The following PODXL variants were observed in gnomAD, a reference collection of about 807,000 sequenced individuals.
The protein encoded by PODXL is podocalyxin like.
In PODXL, 20 loss-of-function variants were observed where a neutral mutation model predicts 48.9. The observed-to-expected ratio is 0.41, with a 90% confidence interval of 0.29 to 0.59. The LOEUF is 0.59. Ranked by LOEUF, PODXL falls within the 20% of genes least tolerant of loss-of-function variation. The pLI, the probability that PODXL is intolerant of heterozygous loss-of-function variation, is 0.31. For synonymous variants in PODXL, 295 were observed against 287.4 expected (o/e 1.03, Z -0.27); for missense variants, 606 against 675.1 (o/e 0.90, Z 1.13).
chr7:131,523,955 C>T (rs139819008), intron 1 of PODXL, among the ~76,000 whole-genome samples: 273 of 151,738 alleles, frequency 1.8e-3, no homozygotes, highest in South Asian at 5.4e-3. Flanking sequence ...CACGCCACCA[C>T]GCCCAGTTAA....
At chr7:131,517,818 A>T (rs886570954) in intron 1 of PODXL, among the ~76,000 whole-genome samples, 1 of 151,754 alleles carries the variant, frequency 6.6e-6, no homozygotes, top group African/African-American at 2.4e-5. Context: ...CACTCACTGC[A>T]ACCTCCGCTT....
At chr7:131,546,868 G>C (rs2116863891) in intron 1 of PODXL, among the ~76,000 whole-genome samples, 1 of 152,170 alleles carries the variant, frequency 6.6e-6, no homozygotes, top group East Asian at 1.9e-4. Context: ...TCTTAGCTAA[G>C]CCCACCCTGG....
chr7:131,509,712 T>C (rs1056609249), intron 3 of PODXL, 127 bp from the exon 4 acceptor site: 1 of 584,296 alleles, frequency 1.7e-6, no homozygotes, highest in East Asian at 2.9e-5. Flanking sequence ...ACGGAAGAAG[T>C]GGACTCCTAT....
At chr7:131,508,155 G>A (rs936260464) in intron 5 of PODXL, among the ~76,000 whole-genome samples, 1 of 152,168 alleles carries the variant, frequency 6.6e-6, no homozygotes, top group Admixed American at 6.5e-5. Flanking sequence ...CATGGAGACC[G>A]GTGGCCTGAA....
intron 1 of PODXL, among the ~76,000 whole-genome samples, chr7:131,538,867 G>C (rs1462687348): frequency 6.6e-6 from 1 of 152,206 alleles, no homozygotes; most frequent in Non-Finnish European, 1.5e-5. Flanking sequence ...AAGGGGATGG[G>C]TTCTTCCTGA....
rs551999089 is a variant in PODXL, at chr7:131,532,860, C to T, written c.101-21427G>A. Among the ~76,000 whole-genome samples the T allele has an allele frequency of 2.0e-4, 31 of 152,204 alleles. 1 individual carries two copies. The South Asian group carries it at 5.6e-3, about 28-fold the overall frequency. ...AGAGACAGCAGAACTTCTCTCTGCC[C>T]GGTGAGGTCACAGCGTGAAGGCCCT... On this transcript the variant is annotated intron_variant, in intron 1 of 8. Coordinates refer to ENST00000378555, the MANE Select transcript of PODXL (RefSeq NM_001018111.3).
rs1383767318 is a variant in PODXL at position 131,510,838 on chromosome 7, G to T, written c.696C>A (p.Thr232=). Residue 232 remains threonine (T), a synonymous_variant, in exon 2 of 9, where the codon ACC becomes ACA. Coordinates refer to ENST00000378555, the MANE Select transcript of PODXL (RefSeq NM_001018111.3). ...PGYTFTSPGM[T]TTLLETVFHH... ...CCAGGCATTACTTACGTAGGGTGGT[G>T]GTCATCCCCGGGCTTGTGAAGGTGT... 4 of 1,614,102 alleles carry T rather than the reference G, an allele frequency of 2.5e-6. No homozygotes were observed. In the South Asian group the frequency reaches 4.4e-5, roughly 18 times the overall value.
At chr7:131,514,774 T>TG (rs146139614) in intron 1 of PODXL, among the ~76,000 whole-genome samples, 3,352 of 151,466 alleles carry the variant, frequency 0.022, 100 homozygotes, top group African/African-American at 0.074. Context: ...ACCCAGCTAA[T>TG]TTTTTTTTCT....
At chr7:131,531,967 G>A (rs1343099742) in intron 1 of PODXL, among the ~76,000 whole-genome samples, 1 of 151,902 alleles carries the variant, frequency 6.6e-6, no homozygotes, top group Non-Finnish European at 1.5e-5. Context: ...AAAATTAGCT[G>A]GGCATGGTGG....
Position 131,504,439 on chromosome 7 carries a change from C to G in PODXL, c.1549G>C (p.Glu517Gln). The change falls in exon 9 of 9, where the codon GAG becomes CAG. Residue 517 changes from glutamate (E) to glutamine (Q), a missense_variant. Physicochemically the swap from Glu to Gln is conservative, Grantham distance 29 (BLOSUM62 2). Coordinates refer to ENST00000378555, the MANE Select transcript of PODXL (RefSeq NM_001018111.3). ...YHDNPTLEVM[E>Q]TSSEMQEKKV... ...TTCTCCTGCATCTCAGAAGAGGTCT[C>G]CATCACTTCCAGTGTTGGGTTGTCA... The G allele has an allele frequency of 6.2e-7, 1 of 1,614,122 alleles. No individual in the cohort carries two copies. Among genetic ancestry groups the G allele is most frequent in the Non-Finnish European group, 8.5e-7 (1 of 1,179,946 alleles).
intron 1 of PODXL, among the ~76,000 whole-genome samples, chr7:131,518,899 A>G (rs1321486454): frequency 6.6e-6 from 1 of 152,180 alleles, no homozygotes; most frequent in Admixed American, 6.5e-5. Flanking sequence ...CATCTTGCCC[A>G]TCTGATTACC....
chr7:131,523,731 A>G (rs6968458), intron 1 of PODXL, among the ~76,000 whole-genome samples: 26,927 of 146,204 alleles, frequency 0.18, 5,119 homozygotes, highest in African/African-American at 0.47. Flanking sequence ...AAGAAAAACC[A>G]TATGATCAGC....
chr7:131,510,829 T>C lies in PODXL; in HGVS notation c.705A>G (p.Leu235=). 5 of 1,614,020 alleles carry C rather than the reference T, an allele frequency of 3.1e-6. No homozygotes were observed. The South Asian group carries it at 3.3e-5, about 11-fold the overall frequency. The part of the protein sequence containing the change: ...TFTSPGMTTT[L]LETVFHHVSQ... ...TGAAGAAAACCAGGCATTACTTACG[T>C]AGGGTGGTGGTCATCCCCGGGCTTG... The change falls in exon 2 of 9, where the codon CTA becomes CTG. Residue 235 remains leucine (L), a splice_region_variant and synonymous_variant. Coordinates refer to ENST00000378555, the MANE Select transcript of PODXL (RefSeq NM_001018111.3).
intron 1 of PODXL, among the ~76,000 whole-genome samples, chr7:131,518,248 C>T (rs1562907226): frequency 6.6e-6 from 1 of 152,112 alleles, no homozygotes; most frequent in Non-Finnish European, 1.5e-5. Context: ...CTCCTATATC[C>T]TCGTGAAAAT....
chr7:131,507,849 A>G (rs1797835555), intron 5 of PODXL, among the ~76,000 whole-genome samples: 1 of 152,162 alleles, frequency 6.6e-6, no homozygotes, highest in African/African-American at 2.4e-5. Flanking sequence ...ACTCTGGTCT[A>G]GATGTAGGCT....
intron 5 of PODXL, among the ~76,000 whole-genome samples, chr7:131,508,117 A>C (rs774332031): frequency 6.6e-6 from 1 of 152,214 alleles, no homozygotes. Flanking sequence ...TGCACAGCGC[A>C]CACTCCCCAG....
At chr7:131,505,838 T>G in intron 8 of PODXL, 30 bp downstream of exon 8, 1 of 1,538,796 alleles carries the variant, frequency 6.5e-7, no homozygotes, top group Non-Finnish European at 8.8e-7. Context: ...CTGGGCTGCT[T>G]CCCCTGTGTG....
intron 1 of PODXL, among the ~76,000 whole-genome samples, chr7:131,546,335 G>T (rs1798575066): frequency 6.6e-6 from 1 of 152,144 alleles, no homozygotes; most frequent in African/African-American, 2.4e-5. Flanking sequence ...CATTTATCCA[G>T]GTAGAAAGAG....
intron 1 of PODXL, among the ~76,000 whole-genome samples, chr7:131,519,150 C>T (rs1798055561): frequency 1.3e-5 from 2 of 152,218 alleles, no homozygotes; most frequent in South Asian, 4.1e-4. Flanking sequence ...AAAGTCCTGG[C>T]CACTGGGAGA....
Sources: allele counts gnomAD v4.1 joint callset (sites outside exome capture counted in the v4.1 genomes callset), GRCh38; gene constraint gnomAD v4.1.1; transcripts MANE v1.5; gene names NCBI Gene and HGNC (gene_info 2026-07-23, HGNC 2026-07-21).